Variants in MYH9 observed in about 807,000 individuals in gnomAD.
MYH9 encodes the protein myosin-9.
Under a neutral mutation model 241.9 loss-of-function variants are expected in MYH9, and 29 were observed. The observed-to-expected ratio is 0.12, with a 90% CI of 0.09 to 0.16. MYH9 has a LOEUF of 0.16. Among genes scored for constraint, MYH9 ranks in the 10% least tolerant of loss-of-function variants. The probability of loss-of-function intolerance (pLI) is 1.00; values close to 1 mark genes in which losing one functional copy is unlikely to be tolerated. For synonymous variants in MYH9, 1,047 were observed against 1,062.6 expected, an observed-to-expected ratio of 0.99 and a Z score of 0.29; for missense variants, 1,803 against 2,595.5, an observed-to-expected ratio of 0.69 and a Z score of 6.63.
At chr22:36,359,454 AG>A (rs1377898657) in intron 1 of MYH9, among the ~76,000 whole-genome samples, 1 of 152,356 alleles carries the variant, frequency 6.6e-6, no homozygotes, top group African/African-American at 2.4e-5. Flanking sequence ...CACACGCGTA[AG>A]GGTTATAGCC....
chr22:36,282,813 C>T (rs757674977), intron 40 of MYH9, 28 bp from the exon 41 acceptor site: 1 of 1,589,944 alleles, frequency 6.3e-7, no homozygotes, highest in Middle Eastern at 1.8e-4. Flanking sequence ...AGCAGAGGGT[C>T]AGCGGGCCCG....
intron 1 of MYH9, among the ~76,000 whole-genome samples, chr22:36,373,066 T>C (rs528945329): frequency 6.6e-6 from 1 of 152,302 alleles, no homozygotes; most frequent in Admixed American, 6.5e-5. Flanking sequence ...CAAACATCTG[T>C]CTGCTCAAAA....
At chr22:36,286,045 C>G in intron 35 of MYH9, 92 bp from the exon 36 acceptor site, 1 of 1,403,216 alleles carries the variant, frequency 7.1e-7, no homozygotes. Context: ...TCAAGCCCTT[C>G]CCCAGGCCCA....
At chr22:36,366,542 GA>G (rs1245143548) in intron 1 of MYH9, among the ~76,000 whole-genome samples, 1 of 152,208 alleles carries the variant, frequency 6.6e-6, no homozygotes, top group Non-Finnish European at 1.5e-5. Context: ...AAAAAGGAGA[GA>G]GCCTCAGAGG....
At chr22:36,383,070 A>T (rs558603082) in intron 1 of MYH9, among the ~76,000 whole-genome samples, 1 of 151,800 alleles carries the variant, frequency 6.6e-6, no homozygotes, top group Admixed American at 6.6e-5. Flanking sequence ...AAAACACAAA[A>T]ATTAGCCAGG....
In MYH9 at chr22:36,286,809, G is replaced by A; in HGVS notation, c.4970C>T (p.Thr1657Ile). Residue 1657 changes from threonine (T) to isoleucine (I), a missense_variant, in exon 35 of 41, where the codon ACC (threonine) becomes ATC (isoleucine). Transcript: ENST00000216181. ...CAGGATCTCCTCACGAGAGGCGCGG[G>A]TGTCATCCAGCTCGCGCATGCAGTC... The part of the protein sequence containing the change: ...MKDCMRELDD[T>I]RASREEILAQ... 6.2e-7 allele frequency: 1 copy of A among 1,611,482 alleles called. No individual in the cohort carries two copies. The highest frequency in any genetic ancestry group is 8.5e-7 in the Non-Finnish European group (1 of 1,180,032).
Position 36,305,098 on chromosome 22 carries a change from C to T in MYH9, c.2164G>A (p.Glu722Lys), listed in dbSNP as rs1308156097. The change falls in exon 18 of 41, where the codon GAG (glutamate) becomes AAG (lysine). Residue 722 changes from glutamate (E) to lysine (K), a missense_variant. Transcript: ENST00000216181. This position sits in a 1 kb window ranked among gnomAD's most constrained non-coding sequence, Gnocchi z 4.7. ...VVFQEFRQRY[E>K]ILTPNSIPKG... ...GGAATGGAGTTTGGAGTCAGGATCT[C>T]ATATCTGAGGAAGGAAAGAGAAGCC... 1 of 1,613,502 alleles carries T rather than the reference C, an allele frequency of 6.2e-7. No individual in the cohort carries two copies. Among genetic ancestry groups the T allele is most frequent in the Non-Finnish European group, 8.5e-7 (1 of 1,179,446 alleles).
intron 1 of MYH9, among the ~76,000 whole-genome samples, chr22:36,382,704 G>A (rs2018278213): frequency 6.6e-6 from 1 of 151,544 alleles, no homozygotes; most frequent in Non-Finnish European, 1.5e-5. Flanking sequence ...TCGGTAGGCT[G>A]AGGTAGGAAT....
chr22:36,336,952 G>A (rs1031026823), intron 3 of MYH9, among the ~76,000 whole-genome samples: 10 of 152,066 alleles, frequency 6.6e-5, no homozygotes, highest in African/African-American at 2.2e-4. Context: ...CTACCTCCAC[G>A]GCCTAATCCA....
intron 5 of MYH9, among the ~76,000 whole-genome samples, chr22:36,324,560 G>A (rs966282915): frequency 6.6e-6 from 1 of 152,270 alleles, no homozygotes; most frequent in African/African-American, 2.4e-5. Flanking sequence ...GCAGCAAGGT[G>A]AGGTCTGGAA....
intron 30 of MYH9, among the ~76,000 whole-genome samples, chr22:36,292,632 G>A (rs1039490889): frequency 6.6e-6 from 1 of 152,170 alleles, no homozygotes; most frequent in Admixed American, 6.5e-5. Context: ...GCACGCTCGC[G>A]GGCTACTCCT....
rs552870715 is a variant in MYH9, at chr22:36,287,607, C to T, written c.4932+645G>A. Among the ~76,000 whole-genome samples the T allele has an allele frequency of 9.2e-5, 14 of 152,176 alleles. No homozygotes were observed. The South Asian group carries it at 1.7e-3, about 18-fold the overall frequency. On this transcript the variant is annotated intron_variant, in intron 34 of 40. Coordinates refer to ENST00000216181, the MANE Select transcript of MYH9 (RefSeq NM_002473.6). ...AAATACAAAAATTAGCCGGGCGTGG[C>T]GGCGTGCGCCTGTAGTCCCAGCTGC...
intron 1 of MYH9, among the ~76,000 whole-genome samples, chr22:36,384,697 T>C (rs1281879772): frequency 7.2e-6 from 1 of 139,530 alleles, no homozygotes; most frequent in Non-Finnish European, 1.5e-5. Context: ...TTTCTTTCAG[T>C]TCATGCATCT....
intron 2 of MYH9, 67 bp downstream of exon 2, chr22:36,348,837 A>AACCGCCCCCCCCCCCCCCCCCCC: frequency 1.9e-6 from 1 of 539,150 alleles, no homozygotes; most frequent in South Asian, 1.7e-5. Context: ...TGATGGGAAG[A>AACCGCCCCCCCCCCCCCCCCCCC]CCCGCCCCCC....
At chr22:36,334,653 G>C (rs1476357015) in intron 3 of MYH9, among the ~76,000 whole-genome samples, 1 of 152,202 alleles carries the variant, frequency 6.6e-6, no homozygotes, top group African/African-American at 2.4e-5. Context: ...TTCATTAAGC[G>C]AGCAGGAGTG....
intron 1 of MYH9, among the ~76,000 whole-genome samples, chr22:36,351,417 G>T (rs1002208041): frequency 6.6e-6 from 1 of 152,190 alleles, no homozygotes; most frequent in African/African-American, 2.4e-5. Flanking sequence ...GCTGTGAACT[G>T]CCTGGCCGCC....
At chr22:36,374,301 T>G (rs906456083) in intron 1 of MYH9, among the ~76,000 whole-genome samples, 1 of 152,154 alleles carries the variant, frequency 6.6e-6, no homozygotes, top group African/African-American at 2.4e-5. Context: ...GCGGATCACC[T>G]GAGGTCAGGA....
rs1164405193 is a variant in MYH9 at position 36,330,715 on chromosome 22, A to T, written c.491-3227T>A. 6.6e-6 allele frequency among the ~76,000 whole-genome samples: 1 copy of T among 152,024 alleles called. No homozygotes were observed. The highest frequency in any genetic ancestry group is 1.5e-5 in the Non-Finnish European group (1 of 68,006). On this transcript the variant is annotated intron_variant, in intron 3 of 40. Coordinates refer to ENST00000216181, the MANE Select transcript of MYH9 (RefSeq NM_002473.6). This position sits in a 1 kb window ranked among gnomAD's most constrained non-coding sequence, Gnocchi z 4.5. ...CACTGTCATCTCACAGGATGAGCACATTCAGAGTCCGGCCCAATCTGCTTG... is the reference window on the plus strand; with the variant it reads ...CACTGTCATCTCACAGGATGAGCACTTTCAGAGTCCGGCCCAATCTGCTTG...
At chr22:36,339,312 A>T (rs1460999436) in intron 3 of MYH9, among the ~76,000 whole-genome samples, 3 of 152,106 alleles carry the variant, frequency 2.0e-5, no homozygotes, top group African/African-American at 7.2e-5. Flanking sequence ...TCTCAAGATG[A>T]CTCCGGAGTA....
Sources: gnomAD v4.1 joint callset for allele counts (sites outside exome capture counted in the v4.1 genomes callset) on GRCh38, gnomAD v4.1.1 for gene constraint, Gnocchi (gnomAD v3.1) non-coding constraint, MANE v1.5 for transcripts, NCBI Gene and HGNC (gene_info 2026-07-23, HGNC 2026-07-21) for gene names.